TEX46: variants seen among roughly 807,000 people sequenced by gnomAD.
TEX46 encodes the protein testis-expressed protein 46.
Under a neutral mutation model 5.3 loss-of-function variants are expected in TEX46, and 6 were observed. The ratio of observed to expected loss-of-function variants is 1.13; its 90% CI spans 0.62 to 2.23. TEX46 has a LOEUF of 2.23. Ranked by LOEUF, TEX46 falls within the 30% of genes most tolerant of loss-of-function variation. The pLI is 0.00. For missense variants in TEX46, 131 were observed against 150.9 expected, an observed-to-expected ratio of 0.87 and a Z score of 0.69; for synonymous variants, 41 against 54.6, an observed-to-expected ratio of 0.75 and a Z score of 1.10.
At position 23,014,649 on chromosome 1, in the gene TEX46, G is replaced by A. The variant is rs984307433; in HGVS notation, c.3-604C>T. On this transcript the variant is annotated intron_variant, in intron 1 of 2. Transcript: ENST00000566855. The stretch of plus-strand genomic sequence containing the variant: ...GCTCACTGAAGCCTCCAACTCCTGG[G>A]CTCAAGTGATCCTCCTGCCTCAGCC... Among the ~76,000 whole-genome samples the A allele has an allele frequency of 4.0e-5, 6 of 151,772 alleles. No homozygotes were observed. The South Asian group carries it at 8.3e-4, about 21-fold the overall frequency.
chr1:23,012,176 C>T (rs1641359719), intron 2 of TEX46, among the ~76,000 whole-genome samples: 1 of 151,948 alleles, frequency 6.6e-6, no homozygotes, highest in South Asian at 2.1e-4. Context: ...ATGGTAAAAT[C>T]CCGTCTCCAC....
At chr1:23,013,497 A>T (rs537584916) in intron 2 of TEX46, among the ~76,000 whole-genome samples, 1 of 152,348 alleles carries the variant, frequency 6.6e-6, no homozygotes, top group African/African-American at 2.4e-5. Context: ...ACATTAAATG[A>T]AAGATGTCAT....
chr1:23,014,146 C>A, intron 1 of TEX46, 101 bp from the exon 2 acceptor site: 1 of 1,450,858 alleles, frequency 6.9e-7, no homozygotes, highest in Non-Finnish European at 9.0e-7. Flanking sequence ...CGGCCACCCA[C>A]TCCTCTGAGT....
At chr1:23,011,154 T>G in intron 2 of TEX46, 53 bp from the exon 3 acceptor site, 2 of 1,403,662 alleles carry the variant, frequency 1.4e-6, no homozygotes, top group Non-Finnish European at 1.9e-6. Flanking sequence ...GTTCACGGCC[T>G]TGCTGTTCTT....
rs1331363784 is a variant in TEX46, at chr1:23,010,979, G to A, written c.288C>T (p.Pro96=). 1.3e-6 allele frequency: 2 copies of A among 1,535,698 alleles called. No homozygotes were observed. Among genetic ancestry groups the A allele is most frequent in the Non-Finnish European group, 1.7e-6 (2 of 1,146,612 alleles). ...GCCTCCTCATTCTGTGTTTTTTCAT[G>A]GGAAAATTCCGATGTCTGCTTGACC... The part of the protein sequence containing the change: ...HGRSSRHRNF[P]MKKHRMRRHE... The change falls in exon 3 of 3, where the codon CCC becomes CCT. Residue 96 remains proline, a synonymous_variant. Transcript: ENST00000566855.
At chr1:23,013,257 C>T (rs2124290572) in intron 2 of TEX46, among the ~76,000 whole-genome samples, 1 of 152,156 alleles carries the variant, frequency 6.6e-6, no homozygotes, top group Non-Finnish European at 1.5e-5. Flanking sequence ...ACTGCAACCT[C>T]AGTCCCCTGG....
rs1641383996 is a variant in TEX46, at chr1:23,013,821, C to T, written c.165+62G>A. 10 of 1,465,520 alleles carry T rather than the reference C, an allele frequency of 6.8e-6. No homozygotes were observed. In the East Asian group the frequency reaches 1.5e-4, roughly 22 times the overall value. 90.8% of individuals were successfully genotyped at this position (1,465,520 alleles called of 1,614,324 possible). ...CGACACCTACCCTGTTCCCTACCCA[C>T]CTAATCTAGCTGCAAATATCCCCTA... On this transcript the variant is annotated intron_variant, in intron 2 of 2. Coordinates refer to ENST00000566855, the MANE Select transcript of TEX46 (RefSeq NM_001242521.2).
intron 1 of TEX46, 25 bp from the exon 2 acceptor site, chr1:23,014,070 A>G (rs997317932): frequency 4.6e-6 from 7 of 1,532,712 alleles, no homozygotes; most frequent in East Asian, 2.4e-5. Flanking sequence ...CAGTTCTGCC[A>G]GCATTATGGC....
At chr1:23,011,468 C>T (rs1641350829) in intron 2 of TEX46, among the ~76,000 whole-genome samples, 1 of 150,900 alleles carries the variant, frequency 6.6e-6, no homozygotes, top group Admixed American at 6.6e-5. Flanking sequence ...TCTCGGCTCA[C>T]TGCAACCTCC....
rs748910978 is a variant in TEX46 at position 23,014,136 on chromosome 1, C to T, written c.3-91G>A. 3.6e-4 allele frequency: 516 copies of T among 1,453,316 alleles called. 1 individual carries two copies. Among genetic ancestry groups the T allele is most frequent in the Non-Finnish European group, 4.4e-4 (489 of 1,105,410 alleles). 90.0% of individuals were successfully genotyped at this position (1,453,316 alleles called of 1,614,324 possible). A position where few individuals can be genotyped will look rare whatever the true frequency, so the allele number is the denominator to read the frequency against. Reference sequence around the variant, plus strand: ...TCAGGCCCCTCCATGACAAGAGTCACGGCCACCCACTCCTCTGAGTCATAG... The same window carrying T: ...TCAGGCCCCTCCATGACAAGAGTCATGGCCACCCACTCCTCTGAGTCATAG... On this transcript the variant is annotated intron_variant, in intron 1 of 2. Coordinates refer to ENST00000566855, the MANE Select transcript of TEX46 (RefSeq NM_001242521.2).
chr1:23,012,737 G>A (rs1013065830), intron 2 of TEX46, among the ~76,000 whole-genome samples: 1 of 152,184 alleles, frequency 6.6e-6, no homozygotes, highest in Admixed American at 6.5e-5. Context: ...CAATGCACAG[G>A]TGACAGGTGA....
Position 23,010,873 on chromosome 1 carries a change from C to A in TEX46, c.*28G>T. ...GTTTTACTGAGGTAAAAGGTAACAT[C>A]GGCAGAGGCCAGCCCGCCTCGGCCT... On this transcript the variant is annotated 3_prime_UTR_variant, in exon 3 of 3. Transcript: ENST00000566855. 2 of 1,497,232 alleles carry A rather than the reference C, an allele frequency of 1.3e-6. No homozygotes were observed. Among genetic ancestry groups the A allele is most frequent in the Admixed American group, 2.0e-5 (1 of 50,162 alleles). The allele number at this position is 1,497,232 out of a possible 1,614,324, so 92.7% of individuals were successfully genotyped here.
intron 2 of TEX46, 82 bp downstream of exon 2, chr1:23,013,801 C>G: frequency 7.6e-7 from 1 of 1,309,530 alleles, no homozygotes; most frequent in Non-Finnish European, 1.0e-6. Context: ...TATTTCGACA[C>G]CTACCCTGTT....
In TEX46 at chr1:23,011,234, A is replaced by T. The variant is rs562331265; in HGVS notation, c.166-133T>A. ...CTCCCCAGCACCAGGAAAAGGGGAA[A>T]GTTGGTTAATAATGATAATCCCTTC... is the stretch of plus-strand genomic sequence containing the variant. On this transcript the variant is annotated intron_variant, in intron 2 of 2. Transcript: ENST00000566855. The T allele has an allele frequency of 8.8e-5, 57 of 649,106 alleles. No individual in the cohort carries two copies. The South Asian group carries it at 1.1e-3, about 12-fold the overall frequency. The allele number at this position is 649,106 out of a possible 1,614,324, so 40.2% of individuals were successfully genotyped here.
At chr1:23,014,369 G>C (rs1012575984) in intron 1 of TEX46, among the ~76,000 whole-genome samples, 10 of 151,750 alleles carry the variant, frequency 6.6e-5, no homozygotes, top group African/African-American at 2.4e-4. Context: ...GGCCAATACA[G>C]AGCCCCTACC....
In TEX46 at chr1:23,010,880, G is replaced by A. The variant is rs1278344036; in HGVS notation, c.*21C>T. 6 of 1,515,092 alleles carry A rather than the reference G, an allele frequency of 4.0e-6. No individual in the cohort carries two copies. The African/African-American group carries it at 8.3e-5, about 21-fold the overall frequency. 93.9% of individuals were successfully genotyped at this position (1,515,092 alleles called of 1,614,324 possible). A position where few individuals can be genotyped will look rare whatever the true frequency, so the allele number is the denominator to read the frequency against. On this transcript the variant is annotated 3_prime_UTR_variant, in exon 3 of 3. Coordinates refer to ENST00000566855, the MANE Select transcript of TEX46 (RefSeq NM_001242521.2). ...TGAGGTAAAAGGTAACATCGGCAGA[G>A]GCCAGCCCGCCTCGGCCTCATTAGC...
At chr1:23,014,289 A>C in intron 1 of TEX46, 3 of 266,690 alleles carry the variant, frequency 1.1e-5, no homozygotes, top group Non-Finnish European at 1.7e-5. Flanking sequence ...TGTCCTCACA[A>C]TAGCCAGGTG....
Position 23,013,816 on chromosome 1 carries a change from A to C in TEX46, c.165+67T>G. 2.1e-6 allele frequency: 3 copies of C among 1,430,722 alleles called. No individual in the cohort carries two copies. In the East Asian group the frequency reaches 7.5e-5, roughly 36 times the overall value. The allele number at this position is 1,430,722 out of a possible 1,614,324, so 88.6% of individuals were successfully genotyped here. On this transcript the variant is annotated intron_variant, in intron 2 of 2. Transcript: ENST00000566855. ...TATTTCGACACCTACCCTGTTCCCT[A>C]CCCACCTAATCTAGCTGCAAATATC...
chr1:23,013,564 C>T (rs1253756623), intron 2 of TEX46, among the ~76,000 whole-genome samples: 2 of 152,100 alleles, frequency 1.3e-5, no homozygotes, highest in African/African-American at 2.4e-5. Context: ...TATCTATGTT[C>T]GTCCATGTTA....
Sources: allele counts gnomAD v4.1 joint callset (sites outside exome capture counted in the v4.1 genomes callset), GRCh38; gene constraint gnomAD v4.1.1; transcripts MANE v1.5; gene names NCBI Gene and HGNC (gene_info 2026-07-23, HGNC 2026-07-21).